Variants in NCAPH2 observed in about 807,000 individuals in gnomAD.
The protein encoded by NCAPH2 is non-SMC condensin II complex subunit H2.
NCAPH2 carries 56 observed loss-of-function variants against 88.6 expected under a neutral mutation model. The observed-to-expected ratio is 0.63, with a 90% CI of 0.51 to 0.79. The LOEUF (loss-of-function observed/expected upper bound fraction) is 0.79. Among genes scored for constraint, NCAPH2 ranks in the 30% least tolerant of loss-of-function variants. The pLI is 0.00. For missense variants in NCAPH2, 794 were observed against 792.0 expected (o/e 1.00, Z -0.03); for synonymous variants, 378 against 313.6 (o/e 1.21, Z -2.17).
At position 50,524,429 on chromosome 22, in the gene NCAPH2, A is replaced by G. The variant is rs749810954; in HGVS notation, c.*1054A>G. 5.6e-6 allele frequency: 9 copies of G among 1,609,890 alleles called. No homozygotes were observed. In the South Asian group the frequency reaches 9.9e-5, roughly 18 times the overall value. On this transcript the variant is annotated 3_prime_UTR_variant, in exon 20 of 20. Coordinates refer to ENST00000420993, the MANE Select transcript of NCAPH2 (RefSeq NM_152299.4). ...AGCAGCATGGATCTGATGCTCCTGG[A>G]AACAAGCACAGGCGTCAGGAGCCAG...
intron 1 of NCAPH2, among the ~76,000 whole-genome samples, chr22:50,511,107 A>C (rs1487772284): frequency 1.3e-5 from 2 of 151,350 alleles, no homozygotes; most frequent in Non-Finnish European, 2.9e-5. Flanking sequence ...CGGTGTCCCA[A>C]AGTGCTGGGA....
chr22:50,523,617 C>T lies in NCAPH2; in HGVS notation c.*242C>T, dbSNP rs1163589876. On this transcript the variant is annotated 3_prime_UTR_variant, in exon 20 of 20. Transcript: ENST00000420993. ...GGGCCCAGACTGCAGTGGCTCAAGA[C>T]AGGACACTGCGGAAAGCCGCCATGT... 3.1e-6 allele frequency: 5 copies of T among 1,613,248 alleles called. No homozygotes were observed. In the African/African-American group the frequency reaches 6.7e-5, roughly 22 times the overall value.
chr22:50,519,554 G>A (rs2148664237), intron 9 of NCAPH2: 1 of 1,305,062 alleles, frequency 7.7e-7, no homozygotes, highest in Non-Finnish European at 9.7e-7. Flanking sequence ...TAGTGGGCTG[G>A]CGTCCAAGGA....
chr22:50,516,448 T>C lies in NCAPH2; in HGVS notation c.110T>C (p.Leu37Pro). 1 of 1,614,130 alleles carries C rather than the reference T, an allele frequency of 6.2e-7. No individual in the cohort carries two copies. The highest frequency in any genetic ancestry group is 8.5e-7 in the Non-Finnish European group (1 of 1,179,956). ...CTGTCTTTGTGTTGTTTCTTGCAGCTGGATCAGATCTGCATTTCTTTTGAC... is the reference window on the plus strand; with the variant it reads ...CTGTCTTTGTGTTGTTTCTTGCAGCCGGATCAGATCTGCATTTCTTTTGAC... ...AAQLGEYLEE[L>P]DQICISFDEG... The change falls in exon 2 of 20, where the codon CTG (leucine) becomes CCG (proline). Residue 37 changes from leucine (L) to proline (P), a missense_variant and splice_region_variant. Leu to Pro is a moderately conservative substitution (Grantham distance 98, BLOSUM62 -3). Coordinates refer to ENST00000420993, the MANE Select transcript of NCAPH2 (RefSeq NM_152299.4).
chr22:50,509,048 A>G (rs575362729), intron 1 of NCAPH2, among the ~76,000 whole-genome samples: 5 of 152,350 alleles, frequency 3.3e-5, no homozygotes, highest in Admixed American at 2.0e-4. Flanking sequence ...TCCAAGGGAC[A>G]TAAGTCAGCA....
chr22:50,513,290 G>A (rs2068834061), intron 1 of NCAPH2, among the ~76,000 whole-genome samples: 1 of 152,164 alleles, frequency 6.6e-6, no homozygotes, highest in Admixed American at 6.5e-5. Context: ...GGGCCAAGGT[G>A]GCTCACGCCT....
chr22:50,518,882 G>C (rs1029677087), intron 8 of NCAPH2, 150 bp downstream of exon 8: 1 of 853,940 alleles, frequency 1.2e-6, no homozygotes, highest in African/African-American at 1.7e-5. Context: ...CTCGCCCCGG[G>C]GAAGCAGCCA....
rs145678414 is a variant in NCAPH2 at position 50,523,893 on chromosome 22, G to A, written c.*518G>A. On this transcript the variant is annotated 3_prime_UTR_variant, in exon 20 of 20. Coordinates refer to ENST00000420993, the MANE Select transcript of NCAPH2 (RefSeq NM_152299.4). The stretch of plus-strand genomic sequence containing the variant: ...GGACGTAGCGGGCCATGGCTTCAAC[G>A]TCGTCCCGCTCGGGGTCCACAGTGA... The A allele has an allele frequency of 4.7e-5, 76 of 1,613,734 alleles. No homozygotes were observed. Among genetic ancestry groups the A allele is most frequent in the Non-Finnish European group, 6.2e-5 (73 of 1,180,006 alleles).
chr22:50,516,936 G>A lies in NCAPH2; in HGVS notation c.210+388G>A, dbSNP rs188544863. On this transcript the variant is annotated intron_variant, in intron 2 of 19. Coordinates refer to ENST00000420993, the MANE Select transcript of NCAPH2 (RefSeq NM_152299.4). ...GGGCCTCTGTTCTGTGGAGGAGAAG[G>A]ACAGGAAGTGAGTGACGGGCTCTGT... 2.1e-3 allele frequency among the ~76,000 whole-genome samples: 317 copies of A among 152,360 alleles called. 2 individuals are homozygous for A. Among genetic ancestry groups the A allele is most frequent in the African/African-American group, 7.4e-3 (306 of 41,584 alleles).
At position 50,518,035 on chromosome 22, in the gene NCAPH2, C is replaced by G. The variant is rs747317833; in HGVS notation, c.483C>G (p.Asn161Lys). ...TGGCCCCTGATGAAATGGAGAAGAACAACAATCCCCTGTACAGGTAGGGAT... is the reference window on the plus strand; with the variant it reads ...TGGCCCCTGATGAAATGGAGAAGAAGAACAATCCCCTGTACAGGTAGGGAT... ...ALVAPDEMEK[N>K]NNPLYSRQGE... The change falls in exon 6 of 20, where the codon AAC (asparagine) becomes AAG (lysine). Residue 161 changes from asparagine to lysine, a missense_variant. By Grantham distance (94) the Asn-to-Lys change is moderately conservative. Coordinates refer to ENST00000420993, the MANE Select transcript of NCAPH2 (RefSeq NM_152299.4). 6.2e-7 allele frequency: 1 copy of G among 1,614,052 alleles called. No homozygotes were observed. Among genetic ancestry groups the G allele is most frequent in the Admixed American group, 1.7e-5 (1 of 59,998 alleles).
intron 1 of NCAPH2, among the ~76,000 whole-genome samples, chr22:50,510,579 C>T (rs2046328429): frequency 6.6e-6 from 1 of 152,028 alleles, no homozygotes; most frequent in Non-Finnish European, 1.5e-5. Context: ...AGGCATGCAC[C>T]ACCACGTCCA....
intron 7 of NCAPH2, 120 bp from the exon 8 acceptor site, chr22:50,518,529 G>T (rs1478030360): frequency 3.5e-6 from 4 of 1,133,570 alleles, no homozygotes; most frequent in Non-Finnish European, 5.0e-6. Context: ...CCAGCCCAAG[G>T]CCTGGAGTCT....
rs62239486 is a variant in NCAPH2 at position 50,517,554 on chromosome 22, C to T, written c.267-23C>T. The T allele has an allele frequency of 6.2e-6, 10 of 1,613,950 alleles. No homozygotes were observed. In the African/African-American group the frequency reaches 8.0e-5, roughly 13 times the overall value. Reference sequence around the variant, plus strand: ...AGGCCCCTGCAGCTCCTGGGATGCCCACGGGATGTGCTTCTCTCTCAGGCG... The same window carrying T: ...AGGCCCCTGCAGCTCCTGGGATGCCTACGGGATGTGCTTCTCTCTCAGGCG... On this transcript the variant is annotated intron_variant, in intron 3 of 19. Coordinates refer to ENST00000420993, the MANE Select transcript of NCAPH2 (RefSeq NM_152299.4).
chr22:50,524,200 A>G lies in NCAPH2; in HGVS notation c.*825A>G. The G allele has an allele frequency of 3.1e-6, 5 of 1,608,668 alleles. No individual in the cohort carries two copies. Among genetic ancestry groups the G allele is most frequent in the Non-Finnish European group, 4.2e-6 (5 of 1,179,912 alleles). ...CCTCAGGGCCAGCCAGGCCCCACCG[A>G]GTCCAGCCCCGAACAGGCCTGTGAT... On this transcript the variant is annotated 3_prime_UTR_variant, in exon 20 of 20. Coordinates refer to ENST00000420993, the MANE Select transcript of NCAPH2 (RefSeq NM_152299.4).
chr22:50,518,383 C>A, intron 7 of NCAPH2, 105 bp downstream of exon 7: 1 of 1,486,450 alleles, frequency 6.7e-7, no homozygotes, highest in Non-Finnish European at 9.0e-7. Flanking sequence ...TGGGAGCTCC[C>A]TGTCTCTGGG....
At chr22:50,518,868 A>G in intron 8 of NCAPH2, 136 bp downstream of exon 8, 1 of 917,518 alleles carries the variant, frequency 1.1e-6, no homozygotes, top group Non-Finnish European at 1.6e-6. Flanking sequence ...CATGGGAGTG[A>G]GGCCTCGCCC....
intron 19 of NCAPH2, 24 bp from the exon 20 acceptor site, chr22:50,523,211 C>A: frequency 6.2e-7 from 1 of 1,613,522 alleles, no homozygotes; most frequent in Non-Finnish European, 8.5e-7. Context: ...GTCCCCAGAC[C>A]CTGCTGATGT....
rs761940494 is a variant in NCAPH2, at chr22:50,522,538, G to GGGAGCAGACCCCAGGGAAGCCGCT, written c.1346_1369dup (p.Gly449_Ala456dup). 4.3e-6 allele frequency: 7 copies of GGGAGCAGACCCCAGGGAAGCCGCT among 1,613,670 alleles called. No individual in the cohort carries two copies. Among genetic ancestry groups the GGGAGCAGACCCCAGGGAAGCCGCT allele is most frequent in the Non-Finnish European group, 5.9e-6 (7 of 1,179,984 alleles). ...AGCCTGAGGAGTACATGGAGCCCGA[G>GGGAGCAGACCCCAGGGAAGCCGCT]GGAGCAGACCCCAGGGAAGCCGCTG... On this transcript the variant is annotated inframe_insertion, in exon 16 of 20. Coordinates refer to ENST00000420993, the MANE Select transcript of NCAPH2 (RefSeq NM_152299.4).
chr22:50,510,167 T>A, intron 1 of NCAPH2, among the ~76,000 whole-genome samples: 1 of 152,158 alleles, frequency 6.6e-6, no homozygotes, highest in East Asian at 1.9e-4. Context: ...GTGATCCGCC[T>A]GCCTTGGCCT....
Sources: allele counts gnomAD v4.1 joint callset (sites outside exome capture counted in the v4.1 genomes callset), GRCh38; gene constraint gnomAD v4.1.1; transcripts MANE v1.5; gene names NCBI Gene and HGNC (gene_info 2026-07-23, HGNC 2026-07-21).